The following RASA3 variants were observed in gnomAD, a reference collection of about 807,000 sequenced individuals.
RASA3 encodes the protein RAS p21 protein activator 3.
Under a neutral mutation model 110.0 loss-of-function variants are expected in RASA3, and 73 were observed. The observed-to-expected ratio is 0.66, with a 90% CI of 0.55 to 0.81. RASA3 has a LOEUF of 0.81. RASA3 is among the 30% of genes least tolerant of loss of function. The pLI, the probability that RASA3 is intolerant of heterozygous loss-of-function variation, is 0.00. For missense variants in RASA3, 976 were observed against 1,113.2 expected, an observed-to-expected ratio of 0.88 and a Z score of 1.75; for synonymous variants, 500 against 451.4, an observed-to-expected ratio of 1.11 and a Z score of -1.37.
In RASA3 at chr13:114,116,815, AAG is replaced by A. The variant is rs1410200340; in HGVS notation, c.55+15618_55+15619del. Among the ~76,000 whole-genome samples, 18 of 116,726 alleles carry A rather than the reference AAG, an allele frequency of 1.5e-4. 1 individual carries two copies. Among genetic ancestry groups the A allele is most frequent in the Admixed American group, 2.7e-4 (3 of 11,314 alleles). 76.6% of individuals were successfully genotyped at this position (116,726 alleles called of 152,430 possible). On this transcript the variant is annotated intron_variant, in intron 1 of 23. Transcript: ENST00000334062. ...CGTGTGTGAGGGGTGCATGTGTGTG[AAG>A]AGAGCACGTGTGTGAGGGGTGCATC...
chr13:114,083,473 C>A (rs9525387), intron 1 of RASA3, among the ~76,000 whole-genome samples: 3 of 151,258 alleles, frequency 2.0e-5, no homozygotes, highest in African/African-American at 7.3e-5. Flanking sequence ...CAGCCTGGAG[C>A]CCAGCAGCAA....
Position 114,012,261 on chromosome 13 carries a change from C to T in RASA3, c.1512+881G>A, listed in dbSNP as rs139952869. 5.8e-3 allele frequency among the ~76,000 whole-genome samples: 886 copies of T among 152,008 alleles called. 1 individual carries two copies. Among genetic ancestry groups the T allele is most frequent in the African/African-American group, 0.017 (699 of 41,404 alleles). Reference sequence around the variant, plus strand: ...CAGAACGTACACAGCTTAAATAGGTCGGTGAACCACCTGCAACGAGGACGT... The same window carrying T: ...CAGAACGTACACAGCTTAAATAGGTTGGTGAACCACCTGCAACGAGGACGT... On this transcript the variant is annotated intron_variant, in intron 15 of 23. Coordinates refer to ENST00000334062, the MANE Select transcript of RASA3 (RefSeq NM_007368.4).
intron 1 of RASA3, among the ~76,000 whole-genome samples, chr13:114,121,558 C>T (rs2080377785): frequency 6.6e-6 from 1 of 152,170 alleles, no homozygotes; most frequent in Non-Finnish European, 1.5e-5. Context: ...TGCATGTGTG[C>T]AAGCATGTCA....
chr13:114,030,679 C>T (rs939840154), intron 4 of RASA3, among the ~76,000 whole-genome samples: 2 of 152,116 alleles, frequency 1.3e-5, no homozygotes, highest in Non-Finnish European at 1.5e-5. Flanking sequence ...TCTGTGTGCA[C>T]GGCTGTGGGT....
intron 4 of RASA3, among the ~76,000 whole-genome samples, chr13:114,038,473 TTAAG>T (rs1480599490): frequency 6.6e-5 from 10 of 152,230 alleles, no homozygotes; most frequent in Non-Finnish European, 1.5e-4. Flanking sequence ...GCAGAGTTAA[TTAAG>T]TGTGACGCAC....
chr13:114,073,371 A>G (rs181726795), intron 2 of RASA3, among the ~76,000 whole-genome samples: 203 of 137,162 alleles, frequency 1.5e-3, no homozygotes, highest in East Asian at 0.014. Context: ...CACACAGAAA[A>G]ATTCCCTACA....
intron 18 of RASA3, among the ~76,000 whole-genome samples, chr13:114,004,323 C>T (rs9525283): frequency 0.14 from 20,664 of 151,650 alleles, 1,776 homozygotes; most frequent in Middle Eastern, 0.21. Flanking sequence ...ACAGATCCAA[C>T]AGGGGACTAA....
At position 113,998,205 on chromosome 13, in the gene RASA3, C is replaced by T. The variant is rs531101330; in HGVS notation, c.1932+1380G>A. On this transcript the variant is annotated intron_variant, in intron 20 of 23. Coordinates refer to ENST00000334062, the MANE Select transcript of RASA3 (RefSeq NM_007368.4). ...GAGGGACGGTCTCAGGGCCAGGTTC[C>T]GGCCATCCCCCTCAGTCAGCAGGCA... Among the ~76,000 whole-genome samples, 10 of 152,292 alleles carry T rather than the reference C, an allele frequency of 6.6e-5. No homozygotes were observed. In the East Asian group the frequency reaches 1.9e-3, roughly 29 times the overall value.
rs1029884321 is a variant in RASA3, at chr13:114,001,009, T to C, written c.1743-77A>G. 6.5e-6 allele frequency: 6 copies of C among 921,540 alleles called. No homozygotes were observed. The African/African-American group carries it at 6.5e-5, about 10-fold the overall frequency. The allele number at this position is 921,540 out of a possible 1,614,324, so 57.1% of individuals were successfully genotyped here. A position where few individuals can be genotyped will look rare whatever the true frequency, so the allele number is the denominator to read the frequency against. On this transcript the variant is annotated intron_variant, in intron 18 of 23. Coordinates refer to ENST00000334062, the MANE Select transcript of RASA3 (RefSeq NM_007368.4). ...ACAGGTGAAAAACCACACCCCCCACTTTCTGCGTTCTGAGACCTGAGGCAG... is the reference window on the plus strand; with the variant it reads ...ACAGGTGAAAAACCACACCCCCCACCTTCTGCGTTCTGAGACCTGAGGCAG...
chr13:114,129,186 A>C (rs1378950733), intron 1 of RASA3, among the ~76,000 whole-genome samples: 1 of 152,246 alleles, frequency 6.6e-6, no homozygotes, highest in Non-Finnish European at 1.5e-5. Flanking sequence ...CAAAGCAGCG[A>C]TCGCATAGGA....
chr13:114,023,319 ACATCCCAGGCTCGGGGG>A (rs1438989266), intron 8 of RASA3, among the ~76,000 whole-genome samples: 11 of 151,150 alleles, frequency 7.3e-5, no homozygotes, highest in South Asian at 2.1e-4. Context: ...GGCTCAGGGA[ACATCCCAGGCTCGGGGG>A]CATCCCAGGC....
At position 114,132,442 on chromosome 13, in the gene RASA3, G is replaced by T. The variant is rs1333844042; in HGVS notation, c.48C>A (p.Ile16=). 9.2e-6 allele frequency: 14 copies of T among 1,529,596 alleles called. No individual in the cohort carries two copies. Among genetic ancestry groups the T allele is most frequent in the East Asian group, 2.7e-5 (1 of 36,958 alleles). The allele number at this position is 1,529,596 out of a possible 1,614,324, so 94.8% of individuals were successfully genotyped here. The stretch of plus-strand genomic sequence containing the variant: ...CTGCCGGCGGACACTCACCGATCTT[G>T]ATCTTCACGCTCTGGAAGACCCGGA... ...EGLRVFQSVK[I]KIGEAKNLPS... Residue 16 remains isoleucine, a synonymous_variant, in exon 1 of 24, where the codon ATC becomes ATA. Coordinates refer to ENST00000334062, the MANE Select transcript of RASA3 (RefSeq NM_007368.4).
chr13:114,126,281 G>A (rs1380508291), intron 1 of RASA3, among the ~76,000 whole-genome samples: 1 of 152,194 alleles, frequency 6.6e-6, no homozygotes, highest in Non-Finnish European at 1.5e-5. Context: ...ACCCCGTGTG[G>A]CCCCTTCTGT....
rs186546654 is a variant in RASA3, at chr13:114,059,783, G to T, written c.174-7628C>A. Among the ~76,000 whole-genome samples the T allele has an allele frequency of 4.6e-5, 7 of 152,374 alleles. No individual in the cohort carries two copies. In the South Asian group the frequency reaches 1.4e-3, roughly 32 times the overall value. On this transcript the variant is annotated intron_variant, in intron 2 of 23. Coordinates refer to ENST00000334062, the MANE Select transcript of RASA3 (RefSeq NM_007368.4). The stretch of plus-strand genomic sequence containing the variant: ...TCGATGTCTTTGGCCCCCGCCAGGC[G>T]TGGCTCACTGGACCCAGAAACCACA...
At chr13:114,007,711 C>T (rs2053548175) in intron 17 of RASA3, 105 bp from the exon 18 acceptor site, 2 of 929,452 alleles carry the variant, frequency 2.2e-6, no homozygotes, top group African/African-American at 1.6e-5. Flanking sequence ...TTTGTAATAC[C>T]AGTGGAGACA....
intron 7 of RASA3, 110 bp from the exon 8 acceptor site, chr13:114,024,465 T>G: frequency 3.2e-6 from 3 of 926,874 alleles, no homozygotes; most frequent in East Asian, 2.5e-5. Context: ...CACACACCAC[T>G]CAAGGGCCAC....
chr13:113,998,316 A>AGCCC (rs1566457120), intron 20 of RASA3, among the ~76,000 whole-genome samples: 17 of 151,076 alleles, frequency 1.1e-4, no homozygotes, highest in African/African-American at 2.4e-4. Context: ...TCCTCTTCCC[A>AGCCC]TGCCCTCCTC....
intron 2 of RASA3, among the ~76,000 whole-genome samples, chr13:114,055,605 A>AT (rs2079230472): frequency 6.7e-6 from 1 of 148,456 alleles, no homozygotes; most frequent in Non-Finnish European, 1.5e-5. Context: ...AACATTTGGG[A>AT]TTTTTACAAC....
chr13:114,027,515 C>A, intron 6 of RASA3, 54 bp from the exon 7 acceptor site: 1 of 1,383,354 alleles, frequency 7.2e-7, no homozygotes, highest in South Asian at 1.2e-5. Context: ...GATTCCAAGT[C>A]TCTCAGTGGT....
Sources: gnomAD v4.1 joint callset for allele counts (sites outside exome capture counted in the v4.1 genomes callset) on GRCh38, gnomAD v4.1.1 for gene constraint, MANE v1.5 for transcripts, NCBI Gene and HGNC (gene_info 2026-07-23, HGNC 2026-07-21) for gene names.